Variants in LAMA1 observed in about 807,000 individuals in gnomAD.
LAMA1 encodes laminin subunit alpha-1.
Under a neutral mutation model 348.7 loss-of-function variants are expected in LAMA1, and 219 were observed. The ratio of observed to expected loss-of-function variants is 0.63; its 90% confidence interval spans 0.56 to 0.70. The LOEUF (loss-of-function observed/expected upper bound fraction) is 0.70. Among genes scored for constraint, LAMA1 ranks in the 30% least tolerant of loss-of-function variants. LAMA1 has a pLI of 0.00. For missense variants in LAMA1, 3,744 were observed against 3,888.0 expected, an observed-to-expected ratio of 0.96 and a Z score of 0.99; for synonymous variants, 1,487 against 1,491.0, an observed-to-expected ratio of 1.00 and a Z score of 0.06.
chr18:7,067,837 C>T (rs1284072502), intron 3 of LAMA1, among the ~76,000 whole-genome samples: 3 of 151,236 alleles, frequency 2.0e-5, no homozygotes, highest in Non-Finnish European at 4.4e-5. Flanking sequence ...GCCTCCCTTC[C>T]TCCGGTGGGT....
At chr18:7,001,668 A>C (rs937152243) in intron 30 of LAMA1, among the ~76,000 whole-genome samples, 1 of 152,226 alleles carries the variant, frequency 6.6e-6, no homozygotes. Context: ...AAATATTCTA[A>C]GCAATAATAA....
chr18:7,046,688 T>C (rs935312970), intron 5 of LAMA1, among the ~76,000 whole-genome samples: 2 of 152,130 alleles, frequency 1.3e-5, no homozygotes, highest in Non-Finnish European at 2.9e-5. Flanking sequence ...CAGCACTCTA[T>C]AGAAAAGATC....
chr18:7,002,431 T>C, intron 29 of LAMA1, 46 bp from the exon 30 acceptor site: 2 of 1,605,172 alleles, frequency 1.2e-6, no homozygotes, highest in Non-Finnish European at 1.7e-6. Context: ...GGGAAATTGT[T>C]AGAAATCATT....
At chr18:6,970,618 T>C (rs533059724) in intron 48 of LAMA1, among the ~76,000 whole-genome samples, 3 of 151,806 alleles carry the variant, frequency 2.0e-5, no homozygotes, top group African/African-American at 7.2e-5. Context: ...ACCAAACCTC[T>C]GGTCCTAACT....
intron 6 of LAMA1, among the ~76,000 whole-genome samples, 178 bp downstream of exon 6, chr18:7,046,100 C>T (rs977551394): frequency 2.6e-5 from 4 of 152,000 alleles, no homozygotes; most frequent in African/African-American, 9.7e-5. Context: ...GAAACATATC[C>T]TCCAAAGCAA....
At chr18:6,980,891 G>A (rs978194003) in intron 41 of LAMA1, among the ~76,000 whole-genome samples, 17 of 152,212 alleles carry the variant, frequency 1.1e-4, no homozygotes, top group African/African-American at 3.6e-4. Flanking sequence ...TCAGGAGATT[G>A]AGACCAGCCT....
intron 34 of LAMA1, 102 bp from the exon 35 acceptor site, chr18:6,993,854 A>G: frequency 1.3e-6 from 1 of 758,390 alleles, no homozygotes; most frequent in Admixed American, 1.8e-5. Context: ...GCTTATAAGC[A>G]ACAACATATA....
chr18:7,076,426 A>G (rs1379716416), intron 3 of LAMA1, among the ~76,000 whole-genome samples: 1 of 152,194 alleles, frequency 6.6e-6, no homozygotes, highest in Admixed American at 6.5e-5. Flanking sequence ...GAATCTAATC[A>G]GGTCTCTAGA....
At position 6,964,762 on chromosome 18, in the gene LAMA1, C is replaced by G. The variant is rs1015431207; in HGVS notation, c.7237G>C (p.Glu2413Gln). ...VIDAYNTSNKETKQGETPGAS... is the reference protein window; with the variant it reads ...VIDAYNTSNKQTKQGETPGAS... ...CCCGGAGTCTCGCCCTGCTTGGTTT[C>G]TTTATTACTGGTGTTATAGGCATCG... The change falls in exon 51 of 63, where the codon GAA becomes CAA. Residue 2413 changes from glutamate (E) to glutamine (Q), a missense_variant. Glu to Gln is a conservative substitution (Grantham distance 29). This residue lies in a region of LAMA1 where 1,983 missense variants were observed against 1,934.3 expected (regional missense o/e 1.03). Coordinates refer to ENST00000389658, the MANE Select transcript of LAMA1 (RefSeq NM_005559.4). The G allele has an allele frequency of 2.5e-6, 4 of 1,614,070 alleles. No homozygotes were observed. The highest frequency in any genetic ancestry group is 2.5e-6 in the Non-Finnish European group (3 of 1,180,028).
At chr18:7,023,896 T>C (rs1354462012) in intron 18 of LAMA1, among the ~76,000 whole-genome samples, 1 of 152,184 alleles carries the variant, frequency 6.6e-6, no homozygotes, top group Non-Finnish European at 1.5e-5. Context: ...TGGAGTGCAA[T>C]GGCGCAATCT....
At position 6,961,777 on chromosome 18, in the gene LAMA1, G is replaced by A. The variant is rs1337997639; in HGVS notation, c.7453-18C>T. 1.9e-6 allele frequency: 3 copies of A among 1,613,978 alleles called. No individual in the cohort carries two copies. Among genetic ancestry groups the A allele is most frequent in the Admixed American group, 1.7e-5 (1 of 60,020 alleles). ...CGGATGGGCTGGACACAGAGGAGATGGAACAGCATGGTGAGTTCCTAGCTG... is the reference window on the plus strand; with the variant it reads ...CGGATGGGCTGGACACAGAGGAGATAGAACAGCATGGTGAGTTCCTAGCTG... On this transcript the variant is annotated intron_variant, in intron 52 of 62. Transcript: ENST00000389658.
At chr18:6,943,034 T>C in intron 62 of LAMA1, 146 bp downstream of exon 62, 2 of 715,338 alleles carry the variant, frequency 2.8e-6, no homozygotes, top group Admixed American at 2.1e-5. Flanking sequence ...AATTCTTAGA[T>C]ATTTGAAATA....
intron 3 of LAMA1, among the ~76,000 whole-genome samples, chr18:7,069,197 G>A (rs150803240): frequency 9.2e-5 from 14 of 152,254 alleles, no homozygotes; most frequent in African/African-American, 3.4e-4. Flanking sequence ...ATATGTAAGC[G>A]AGAAAGCTTA....
At chr18:7,045,181 T>C (rs879638380) in intron 6 of LAMA1, among the ~76,000 whole-genome samples, 3 of 152,216 alleles carry the variant, frequency 2.0e-5, no homozygotes, top group Non-Finnish European at 4.4e-5. Context: ...GATAACAGAA[T>C]AGTCCTATTC....
intron 1 of LAMA1, among the ~76,000 whole-genome samples, chr18:7,111,013 T>C (rs1388441474): frequency 2.0e-5 from 3 of 151,890 alleles, no homozygotes; most frequent in African/African-American, 7.3e-5. Context: ...TATGGAGCAA[T>C]GGAACAAGAT....
At chr18:7,008,764 G>A (rs935325089) in intron 27 of LAMA1, among the ~76,000 whole-genome samples, 156 bp from the exon 28 acceptor site, 2 of 152,146 alleles carry the variant, frequency 1.3e-5, no homozygotes, top group African/African-American at 4.8e-5. Flanking sequence ...GTGTGTTAAA[G>A]CACATTACTA....
intron 2 of LAMA1, 49 bp downstream of exon 2, chr18:7,080,238 A>G: frequency 6.2e-7 from 1 of 1,612,818 alleles, no homozygotes; most frequent in Non-Finnish European, 8.5e-7. Context: ...CTCATTTCAC[A>G]AAGTGTACAT....
At chr18:6,951,995 G>A (rs1406598455) in intron 57 of LAMA1, among the ~76,000 whole-genome samples, 1 of 152,184 alleles carries the variant, frequency 6.6e-6, no homozygotes, top group African/African-American at 2.4e-5. Context: ...GAGATGTTGA[G>A]TGGCTGAGGA....
intron 3 of LAMA1, among the ~76,000 whole-genome samples, chr18:7,068,814 A>T (rs1345212314): frequency 6.6e-6 from 1 of 152,138 alleles, no homozygotes; most frequent in Non-Finnish European, 1.5e-5. Flanking sequence ...AAAAAGCTAG[A>T]ATGGATACCA....
Sources: gnomAD v4.1 joint callset for allele counts (sites outside exome capture counted in the v4.1 genomes callset) on GRCh38, gnomAD v4.1.1 for gene constraint, gnomAD v4.1.1 regional missense constraint, MANE v1.5 for transcripts, NCBI Gene and HGNC (gene_info 2026-07-23, HGNC 2026-07-21) for gene names.